The following COL26A1 variants were observed in gnomAD, a reference collection of about 807,000 sequenced individuals.
COL26A1 encodes collagen alpha-1(XXVI) chain.
COL26A1 carries 41 observed loss-of-function variants against 59.3 expected under a neutral mutation model. The ratio of observed to expected loss-of-function variants is 0.69; its 90% CI spans 0.54 to 0.90. The LOEUF (loss-of-function observed/expected upper bound fraction) is 0.90, where lower values mean the gene tolerates loss of function less well. Ranked by LOEUF, COL26A1 falls within the 40% of genes least tolerant of loss-of-function variation. COL26A1 has a pLI of 0.00. For synonymous variants in COL26A1, 266 were observed against 256.0 expected (o/e 1.04, Z -0.37); for missense variants, 612 against 602.3 (o/e 1.02, Z -0.17).
intron 3 of COL26A1, among the ~76,000 whole-genome samples, chr7:101,489,707 TTC>T (rs1794366150): frequency 9.6e-6 from 1 of 104,468 alleles, no homozygotes; most frequent in South Asian, 3.1e-4. Context: ...CTGTCTTTCT[TTC>T]TTTCATTCTT....
At chr7:101,433,353 T>C (rs1792826657) in intron 2 of COL26A1, among the ~76,000 whole-genome samples, 1 of 152,036 alleles carries the variant, frequency 6.6e-6, no homozygotes, top group South Asian at 2.1e-4. Flanking sequence ...GTTGTGGGAC[T>C]GGAGGTGACC....
At chr7:101,473,608 CCACACACACACACACA>C (rs150820078) in intron 3 of COL26A1, among the ~76,000 whole-genome samples, 13,426 of 143,396 alleles carry the variant, frequency 0.094, 893 homozygotes, top group East Asian at 0.3. Context: ...CACCTTGTCT[CCACACACACACACACA>C]CACACACACA....
intron 2 of COL26A1, among the ~76,000 whole-genome samples, chr7:101,441,734 T>C (rs1224177547): frequency 6.6e-6 from 1 of 152,108 alleles, no homozygotes. Flanking sequence ...GCCAGAGGTG[T>C]CTGTGTGAGG....
intron 2 of COL26A1, among the ~76,000 whole-genome samples, chr7:101,420,400 G>T (rs28390286): frequency 0.1 from 15,724 of 152,150 alleles, 1,223 homozygotes; most frequent in African/African-American, 0.22. Flanking sequence ...GGAAGGCCAG[G>T]TGGGGTTGAA....
rs1057451307 is a variant in COL26A1, at chr7:101,555,732, G to C, written c.1081-55G>C. ...CATACACTGTCACTGTATCAGGATGGCCCTGACCCCTTCCTCATGGCCGGC... is the reference window on the plus strand; with the variant it reads ...CATACACTGTCACTGTATCAGGATGCCCCTGACCCCTTCCTCATGGCCGGC... On this transcript the variant is annotated intron_variant, in intron 11 of 12. Coordinates refer to ENST00000313669, the MANE Select transcript of COL26A1 (RefSeq NM_001278563.3). The C allele has an allele frequency of 3.6e-6, 5 of 1,380,710 alleles. No individual in the cohort carries two copies. In the Middle Eastern group the frequency reaches 6.6e-4, roughly 183 times the overall value. The allele number at this position is 1,380,710 out of a possible 1,614,324, so 85.5% of individuals were successfully genotyped here.
intron 7 of COL26A1, among the ~76,000 whole-genome samples, chr7:101,546,189 C>T (rs142071357): frequency 2.0e-5 from 3 of 152,246 alleles, no homozygotes; most frequent in Non-Finnish European, 4.4e-5. Flanking sequence ...AGTCCGTGAG[C>T]CCTGAGAGGA....
intron 3 of COL26A1, among the ~76,000 whole-genome samples, chr7:101,481,531 A>G (rs2130493611): frequency 6.6e-6 from 1 of 151,558 alleles, no homozygotes; most frequent in Non-Finnish European, 1.5e-5. Context: ...GCTCACTGCC[A>G]TCTCAAACTC....
At chr7:101,470,843 C>T (rs1793881729) in intron 3 of COL26A1, among the ~76,000 whole-genome samples, 1 of 152,032 alleles carries the variant, frequency 6.6e-6, no homozygotes, top group Non-Finnish European at 1.5e-5. Context: ...TGAAAGTTCC[C>T]ACCCTCTAGT....
intron 3 of COL26A1, among the ~76,000 whole-genome samples, chr7:101,505,234 G>A (rs976752444): frequency 6.7e-6 from 1 of 150,094 alleles, no homozygotes; most frequent in Non-Finnish European, 1.5e-5. Flanking sequence ...GTGCAGAAGT[G>A]TGTATGTGTG....
At position 101,489,868 on chromosome 7, in the gene COL26A1, T is replaced by G. The variant is rs868211407; in HGVS notation, c.385+42081T>G. On this transcript the variant is annotated intron_variant, in intron 3 of 12. Coordinates refer to ENST00000313669, the MANE Select transcript of COL26A1 (RefSeq NM_001278563.3). ...TTTCTTTCTTTCTTTCTTTCTTTCT[T>G]TCTTTCTTTCTTTCTTTCTTTCTTT... Among the ~76,000 whole-genome samples, 34 of 51,322 alleles carry G rather than the reference T, an allele frequency of 6.6e-4. 1 individual carries two copies. The highest frequency in any genetic ancestry group is 0.021 in the Middle Eastern group (2 of 96). 33.7% of individuals were successfully genotyped at this position (51,322 alleles called of 152,430 possible). A position where few individuals can be genotyped will look rare whatever the true frequency, so the allele number is the denominator to read the frequency against.
At chr7:101,535,717 C>T (rs1037244504) in intron 4 of COL26A1, among the ~76,000 whole-genome samples, 5 of 152,230 alleles carry the variant, frequency 3.3e-5, no homozygotes, top group Admixed American at 6.5e-5. Context: ...TCCTCCACTC[C>T]ATCTTGGCCA....
intron 3 of COL26A1, among the ~76,000 whole-genome samples, chr7:101,485,831 T>C (rs1794256508): frequency 6.6e-6 from 1 of 152,116 alleles, no homozygotes; most frequent in Non-Finnish European, 1.5e-5. Context: ...ACCTTGGGAT[T>C]GTCCCATCCT....
intron 2 of COL26A1, among the ~76,000 whole-genome samples, chr7:101,445,663 C>A (rs373671832): frequency 3.8e-5 from 5 of 131,078 alleles, no homozygotes; most frequent in African/African-American, 1.4e-4. Context: ...ACCCGGGAGG[C>A]GGAGCTTGCA....
intron 1 of COL26A1, among the ~76,000 whole-genome samples, chr7:101,375,822 C>A (rs1584351102): frequency 6.6e-6 from 1 of 150,994 alleles, no homozygotes; most frequent in African/African-American, 2.4e-5. Flanking sequence ...CCTGTCTCTA[C>A]TAAAAATAAA....
In COL26A1 at chr7:101,539,813, C is replaced by T. The variant is rs565845308; in HGVS notation, c.448-80C>T. ...ACAGCTGCAGGTCTCATGGGGTGCA[C>T]ATGCATGTCCCTGTGTGTCACGCAT... On this transcript the variant is annotated intron_variant, in intron 4 of 12. Transcript: ENST00000313669. 18 of 1,419,682 alleles carry T rather than the reference C, an allele frequency of 1.3e-5. No homozygotes were observed. In the South Asian group the frequency reaches 2.3e-4, roughly 18 times the overall value. 87.9% of individuals were successfully genotyped at this position (1,419,682 alleles called of 1,614,324 possible).
intron 2 of COL26A1, among the ~76,000 whole-genome samples, chr7:101,445,710 C>CAT (rs1438422578): frequency 3.2e-5 from 3 of 94,522 alleles, no homozygotes; most frequent in Admixed American, 1.7e-4. Context: ...CCAGCCTGGG[C>CAT]GACAGAGCGA....
intron 1 of COL26A1, among the ~76,000 whole-genome samples, chr7:101,403,450 C>T (rs1272119618): frequency 6.6e-6 from 1 of 151,944 alleles, no homozygotes; most frequent in East Asian, 1.9e-4. Context: ...GCCTGGGAGG[C>T]AGAAGTTGCA....
intron 3 of COL26A1, among the ~76,000 whole-genome samples, chr7:101,514,439 C>T (rs1320618076): frequency 6.6e-6 from 1 of 152,222 alleles, no homozygotes; most frequent in African/African-American, 2.4e-5. Context: ...TTTTGGACAG[C>T]TGCCTCTCTG....
chr7:101,531,461 C>T (rs1795366960), intron 3 of COL26A1, among the ~76,000 whole-genome samples: 1 of 152,186 alleles, frequency 6.6e-6, no homozygotes, highest in Non-Finnish European at 1.5e-5. Context: ...ATACCTCAGT[C>T]TTCAATCTGT....
Sources: allele counts gnomAD v4.1 joint callset (sites outside exome capture counted in the v4.1 genomes callset), GRCh38; gene constraint gnomAD v4.1.1; transcripts MANE v1.5; gene names NCBI Gene and HGNC (gene_info 2026-07-23, HGNC 2026-07-21).